The following SGIP1 variants were observed in gnomAD, a reference collection of about 807,000 sequenced individuals.
SGIP1 encodes SH3-containing GRB2-like protein 3-interacting protein 1.
SGIP1 carries 38 observed loss-of-function variants against 107.5 expected under a neutral mutation model. That is an observed-to-expected ratio of 0.35 (90% CI 0.27 to 0.46). The LOEUF is 0.46. Ranked by LOEUF, SGIP1 falls within the 20% of genes least tolerant of loss-of-function variation. SGIP1 has a pLI of 1.00. For missense variants in SGIP1, 929 were observed against 1,019.5 expected (o/e 0.91, Z 1.21); for synonymous variants, 365 against 366.1 (o/e 1.00, Z 0.03).
intron 7 of SGIP1, among the ~76,000 whole-genome samples, chr1:66,644,624 G>A (rs1401905840): frequency 1.3e-5 from 2 of 152,128 alleles, no homozygotes; most frequent in East Asian, 3.9e-4. Context: ...CCATTTTCGA[G>A]ATGCTTCAGG....
intron 1 of SGIP1, among the ~76,000 whole-genome samples, chr1:66,573,175 T>C (rs2060608611): frequency 6.6e-6 from 1 of 152,094 alleles, no homozygotes; most frequent in Non-Finnish European, 1.5e-5. Context: ...CTAAAAATCA[T>C]TGAATTATGC....
chr1:66,593,182 A>C (rs974262588), intron 1 of SGIP1, among the ~76,000 whole-genome samples: 1 of 152,020 alleles, frequency 6.6e-6, no homozygotes, highest in East Asian at 1.9e-4. Flanking sequence ...TGGCTTATTC[A>C]TTTATTCACC....
At chr1:66,707,160 G>A (rs2092579666) in intron 18 of SGIP1, among the ~76,000 whole-genome samples, 1 of 152,202 alleles carries the variant, frequency 6.6e-6, no homozygotes, top group South Asian at 2.1e-4. Context: ...GCCATACACT[G>A]GGTTATGCTC....
intron 1 of SGIP1, among the ~76,000 whole-genome samples, chr1:66,570,107 C>T (rs923091064): frequency 6.6e-6 from 1 of 151,702 alleles, no homozygotes; most frequent in Admixed American, 6.6e-5. Context: ...TACGATGTCT[C>T]TCTTTTTTTC....
intron 20 of SGIP1, among the ~76,000 whole-genome samples, chr1:66,731,693 CCA>C (rs936345869): frequency 1.3e-5 from 2 of 152,052 alleles, no homozygotes; most frequent in African/African-American, 4.8e-5. Context: ...ACAACCATCC[CCA>C]GTTTTTTAAA....
At chr1:66,564,541 C>T (rs541069680) in intron 1 of SGIP1, among the ~76,000 whole-genome samples, 1 of 152,006 alleles carries the variant, frequency 6.6e-6, no homozygotes, top group East Asian at 1.9e-4. Context: ...TCATGTGATT[C>T]TTGAGATAGT....
At chr1:66,675,839 A>G (rs1381025775) in intron 12 of SGIP1, among the ~76,000 whole-genome samples, 1 of 151,746 alleles carries the variant, frequency 6.6e-6, no homozygotes, top group Admixed American at 6.6e-5. Context: ...TGGCCTAGAA[A>G]GATCTTTCTA....
chr1:66,733,485 G>A (rs759837180), intron 20 of SGIP1, among the ~76,000 whole-genome samples: 2 of 152,086 alleles, frequency 1.3e-5, no homozygotes, highest in African/African-American at 2.4e-5. Flanking sequence ...AATTATCATC[G>A]CAATTAGTTA....
chr1:66,739,565 A>G, intron 22 of SGIP1, 28 bp downstream of exon 22: 1 of 1,609,006 alleles, frequency 6.2e-7, no homozygotes, highest in African/African-American at 1.3e-5. Flanking sequence ...CTCTCCACCA[A>G]AGGGCTCCTC....
At chr1:66,540,697 C>T (rs1270956990) in intron 1 of SGIP1, among the ~76,000 whole-genome samples, 1 of 152,182 alleles carries the variant, frequency 6.6e-6, no homozygotes, top group Non-Finnish European at 1.5e-5. Flanking sequence ...ATTTGTTAAT[C>T]TTAGGAGCTC....
In SGIP1 at chr1:66,534,271, C is replaced by T; in HGVS notation, c.-88C>T. The T allele has an allele frequency of 1.5e-6, 2 of 1,361,958 alleles. No homozygotes were observed. Among genetic ancestry groups the T allele is most frequent in the South Asian group, 1.2e-5 (1 of 85,708 alleles). The allele number at this position is 1,361,958 out of a possible 1,614,324, so 84.4% of individuals were successfully genotyped here. ...CGGACGGAATAGACCTCAGCAGCGG[C>T]GTGGTGAGGACTTAGCTGGGACCTG... On this transcript the variant is annotated 5_prime_UTR_variant, in exon 1 of 25. Coordinates refer to ENST00000371037, the MANE Select transcript of SGIP1 (RefSeq NM_032291.4).
At chr1:66,575,545 T>A (rs2060945320) in intron 1 of SGIP1, among the ~76,000 whole-genome samples, 1 of 152,118 alleles carries the variant, frequency 6.6e-6, no homozygotes, top group African/African-American at 2.4e-5. Context: ...ATCAAACCTA[T>A]GTGTATTGAC....
At chr1:66,585,879 C>T (rs1260417949) in intron 1 of SGIP1, among the ~76,000 whole-genome samples, 2 of 152,170 alleles carry the variant, frequency 1.3e-5, no homozygotes, top group Non-Finnish European at 2.9e-5. Context: ...AAGTTTAATA[C>T]TGTCTCCAAG....
intron 15 of SGIP1, chr1:66,684,001 G>T: frequency 6.8e-6 from 10 of 1,476,010 alleles, no homozygotes; most frequent in Non-Finnish European, 9.0e-6. Context: ...ATAGGCTTGA[G>T]CTACCGCGCC....
At chr1:66,552,488 G>A (rs2057563705) in intron 1 of SGIP1, among the ~76,000 whole-genome samples, 1 of 152,024 alleles carries the variant, frequency 6.6e-6, no homozygotes, top group African/African-American at 2.4e-5. Context: ...CTCCTGTTCT[G>A]TGGTCTCTGC....
intron 24 of SGIP1, 65 bp from the exon 25 acceptor site, chr1:66,743,008 A>G: frequency 6.4e-7 from 1 of 1,569,732 alleles, no homozygotes; most frequent in Non-Finnish European, 8.8e-7. Context: ...TAGAAAAGTT[A>G]CCCATATAAT....
intron 19 of SGIP1, among the ~76,000 whole-genome samples, chr1:66,720,949 A>T (rs1281038980): frequency 6.6e-6 from 1 of 152,172 alleles, no homozygotes; most frequent in Non-Finnish European, 1.5e-5. Context: ...TAACAATATT[A>T]TACTGGAAAA....
At chr1:66,653,618 G>A (rs1160941310) in intron 7 of SGIP1, among the ~76,000 whole-genome samples, 1 of 152,094 alleles carries the variant, frequency 6.6e-6, no homozygotes, top group African/African-American at 2.4e-5. Context: ...CACCATGGTT[G>A]GAGATCACAA....
intron 1 of SGIP1, among the ~76,000 whole-genome samples, chr1:66,562,585 C>T (rs142069978): frequency 1.3e-5 from 2 of 152,118 alleles, no homozygotes; most frequent in Non-Finnish European, 2.9e-5. Flanking sequence ...TTACCACCAG[C>T]GGCAGAATAT....
Sources: allele counts gnomAD v4.1 joint callset (sites outside exome capture counted in the v4.1 genomes callset), GRCh38; gene constraint gnomAD v4.1.1; transcripts MANE v1.5; gene names NCBI Gene and HGNC (gene_info 2026-07-23, HGNC 2026-07-21).